FOXP2: variants seen among roughly 807,000 people sequenced by gnomAD.
The protein encoded by FOXP2 is forkhead box P2.
FOXP2 carries 12 observed loss-of-function variants against 115.8 expected under a neutral mutation model. The observed-to-expected ratio is 0.10, with a 90% CI of 0.07 to 0.17. The LOEUF (loss-of-function observed/expected upper bound fraction) is 0.17. Ranked by LOEUF, FOXP2 falls within the 10% of genes least tolerant of loss-of-function variation. The pLI, the probability that FOXP2 is intolerant of heterozygous loss-of-function variation, is 1.00. For synonymous variants in FOXP2, 328 were observed against 297.7 expected (o/e 1.10, Z -1.05); for missense variants, 629 against 843.5 (o/e 0.75, Z 3.15).
chr7:114,681,310 A>G (rs1466028795), intron 16 of FOXP2, among the ~76,000 whole-genome samples: 1 of 152,184 alleles, frequency 6.6e-6, no homozygotes, highest in African/African-American at 2.4e-5. Context: ...AATCCACAGC[A>G]TAAAGGAATT....
intron 2 of FOXP2, among the ~76,000 whole-genome samples, chr7:114,451,269 G>T (rs180763484): frequency 6.6e-6 from 1 of 152,112 alleles, no homozygotes; most frequent in African/African-American, 2.4e-5. Flanking sequence ...TGAAATTCTA[G>T]ATCTAGAAAG....
intron 3 of FOXP2, among the ~76,000 whole-genome samples, chr7:114,588,036 A>G (rs921084551): frequency 2.0e-5 from 3 of 151,712 alleles, no homozygotes; most frequent in Non-Finnish European, 4.4e-5. Flanking sequence ...AAGGCCGGGC[A>G]TGGTGGCTCA....
At position 114,572,154 on chromosome 7, in the gene FOXP2, G is replaced by A. The variant is rs527853821; in HGVS notation, c.258+37448G>A. On this transcript the variant is annotated intron_variant, in intron 3 of 16. Transcript: ENST00000350908. ...ATGAAAGGATATTTATGGAAAATATGAAACTTTTAAAAATGTTAGTTGCAA... is the reference window on the plus strand; with the variant it reads ...ATGAAAGGATATTTATGGAAAATATAAAACTTTTAAAAATGTTAGTTGCAA... 2.4e-3 allele frequency among the ~76,000 whole-genome samples: 371 copies of A among 151,434 alleles called. 1 individual carries two copies. The highest frequency in any genetic ancestry group is 4.2e-3 in the Non-Finnish European group (283 of 67,686).
intron 2 of FOXP2, among the ~76,000 whole-genome samples, chr7:114,307,329 A>G (rs968578564): frequency 2.0e-5 from 3 of 152,144 alleles, no homozygotes; most frequent in African/African-American, 4.8e-5. Context: ...GACTCAGCCA[A>G]TTTTGAATAA....
At chr7:114,337,384 A>G (rs1411519803) in intron 2 of FOXP2, among the ~76,000 whole-genome samples, 2 of 151,290 alleles carry the variant, frequency 1.3e-5, no homozygotes, top group African/African-American at 4.8e-5. Flanking sequence ...ATTGTTCTCA[A>G]TATATATTTA....
chr7:114,346,980 C>A (rs1271275138), intron 2 of FOXP2, among the ~76,000 whole-genome samples: 3 of 151,602 alleles, frequency 2.0e-5, no homozygotes, highest in Admixed American at 6.6e-5. Context: ...ATTGAAATAT[C>A]AGATTTTAGC....
chr7:114,266,677 A>G (rs1795903650), intron 1 of FOXP2, among the ~76,000 whole-genome samples: 1 of 152,116 alleles, frequency 6.6e-6, no homozygotes, highest in African/African-American at 2.4e-5. Context: ...TTCAACATGA[A>G]ATTTTGGCGG....
At chr7:114,124,475 G>T (rs12666524) in intron 1 of FOXP2, among the ~76,000 whole-genome samples, 23,181 of 151,990 alleles carry the variant, frequency 0.15, 2,456 homozygotes, top group East Asian at 0.48. Context: ...GTACTATCTG[G>T]AAATGTATTG....
intron 1 of FOXP2, among the ~76,000 whole-genome samples, chr7:114,254,572 CA>C (rs1486246397): frequency 1.6e-4 from 25 of 152,152 alleles, no homozygotes; most frequent in African/African-American, 5.3e-4. Context: ...CCCTTTCTTC[CA>C]GTTGATCAAA....
intron 2 of FOXP2, among the ~76,000 whole-genome samples, chr7:114,491,250 T>C (rs1233163218): frequency 6.6e-6 from 1 of 152,242 alleles, no homozygotes; most frequent in Non-Finnish European, 1.5e-5. Context: ...ATTTCTCTGA[T>C]GGCCAGTGAT....
At chr7:114,417,284 T>A (rs1793390605) in intron 1 of FOXP2, among the ~76,000 whole-genome samples, 1 of 152,140 alleles carries the variant, frequency 6.6e-6, no homozygotes, top group Non-Finnish European at 1.5e-5. Flanking sequence ...ATGTTTTAAA[T>A]TTCAGCATAC....
intron 1 of FOXP2, among the ~76,000 whole-genome samples, chr7:114,268,231 A>C (rs1299601936): frequency 6.6e-6 from 1 of 152,192 alleles, no homozygotes; most frequent in Non-Finnish European, 1.5e-5. Context: ...GGACATGAAC[A>C]TGTAAATTTT....
chr7:114,207,605 C>A (rs745643669), intron 1 of FOXP2, among the ~76,000 whole-genome samples: 1 of 152,116 alleles, frequency 6.6e-6, no homozygotes, highest in African/African-American at 2.4e-5. Flanking sequence ...TCCTATTGGA[C>A]CTACTTAATT....
chr7:114,400,421 A>G (rs561969561), intron 2 of FOXP2, among the ~76,000 whole-genome samples: 5 of 152,298 alleles, frequency 3.3e-5, no homozygotes, highest in African/African-American at 1.2e-4. Context: ...ATATAGATTC[A>G]AATTTTCCTA....
At chr7:114,676,242 A>G (rs953524755) in intron 16 of FOXP2, among the ~76,000 whole-genome samples, 6 of 151,980 alleles carry the variant, frequency 3.9e-5, no homozygotes, top group Admixed American at 1.3e-4. Context: ...AACGTTTTCT[A>G]TCGGAGCTAG....
At chr7:114,535,981 C>A (rs779316158) in intron 3 of FOXP2, among the ~76,000 whole-genome samples, 1 of 151,530 alleles carries the variant, frequency 6.6e-6, no homozygotes, top group Non-Finnish European at 1.5e-5. Flanking sequence ...CCATCATATT[C>A]TTCCCCAATT....
intron 2 of FOXP2, among the ~76,000 whole-genome samples, chr7:114,339,352 TG>T (rs1309585016): frequency 6.6e-6 from 1 of 151,318 alleles, no homozygotes; most frequent in Non-Finnish European, 1.5e-5. Context: ...TGTTATTAAA[TG>T]TGATTTAAAT....
chr7:114,414,189 C>G (rs1288741171), upstream of FOXP2: 1 of 152,092 alleles, frequency 6.6e-6, no homozygotes, highest in African/African-American at 2.4e-5. Context: ...TTATGGGGTC[C>G]ACACAAACCC....
intron 2 of FOXP2, among the ~76,000 whole-genome samples, chr7:114,326,056 G>C (rs1457952582): frequency 6.6e-6 from 1 of 152,106 alleles, no homozygotes; most frequent in Non-Finnish European, 1.5e-5. Flanking sequence ...TCAATCGTAA[G>C]AGGTGCTAAC....
Sources: allele counts gnomAD v4.1 joint callset (sites outside exome capture counted in the v4.1 genomes callset), GRCh38; gene constraint gnomAD v4.1.1; transcripts MANE v1.5; gene names NCBI Gene and HGNC (gene_info 2026-07-23, HGNC 2026-07-21).